GRIA4: variants seen among roughly 807,000 people sequenced by gnomAD.
The protein encoded by GRIA4 is glutamate receptor 4.
In GRIA4, 34 loss-of-function variants were observed where a neutral mutation model predicts 104.0. That is an observed-to-expected ratio of 0.33 (90% CI 0.25 to 0.44). The LOEUF (loss-of-function observed/expected upper bound fraction) is 0.44, where lower values mean the gene tolerates loss of function less well. GRIA4 is among the 20% of genes least tolerant of loss of function. GRIA4 has a pLI of 1.00. For synonymous variants in GRIA4, 386 were observed against 381.9 expected (o/e 1.01, Z -0.13); for missense variants, 750 against 1,096.5 (o/e 0.68, Z 4.46).
chr11:105,924,377 C>T (rs1425300508), intron 11 of GRIA4, 22 bp from the exon 12 acceptor site: 1 of 1,543,650 alleles, frequency 6.5e-7, no homozygotes, highest in Admixed American at 1.9e-5. Flanking sequence ...CTATGTGTCT[C>T]CATGTGTTTT....
At chr11:105,785,960 C>A (rs1202739914) in intron 4 of GRIA4, among the ~76,000 whole-genome samples, 4 of 151,816 alleles carry the variant, frequency 2.6e-5, no homozygotes, top group Non-Finnish European at 5.9e-5. Flanking sequence ...GCCTGGACAA[C>A]ACAGTGAAAC....
chr11:105,717,288 A>G (rs1201660271), intron 3 of GRIA4, among the ~76,000 whole-genome samples: 1 of 152,138 alleles, frequency 6.6e-6, no homozygotes, highest in African/African-American at 2.4e-5. Context: ...CTCTGTGACT[A>G]TAAATATACC....
At chr11:105,643,100 A>G (rs1454427828) in intron 3 of GRIA4, among the ~76,000 whole-genome samples, 2 of 152,158 alleles carry the variant, frequency 1.3e-5, no homozygotes, top group African/African-American at 4.8e-5. Context: ...CACTCCCATG[A>G]TTCAACTACC....
At position 105,744,263 on chromosome 11, in the gene GRIA4, A is replaced by G. The variant is rs1939508488; in HGVS notation, c.248-8718A>G. Among the ~76,000 whole-genome samples, 3 of 152,216 alleles carry G rather than the reference A, an allele frequency of 2.0e-5. No individual in the cohort carries two copies. In the South Asian group the frequency reaches 6.2e-4, roughly 32 times the overall value. ...AAGTGTTTAACACAGTGACTGAAAT[A>G]AACTAGGCAGTATATAAACATTTTT... On this transcript the variant is annotated intron_variant, in intron 3 of 16. Transcript: ENST00000282499.
intron 5 of GRIA4, among the ~76,000 whole-genome samples, chr11:105,867,437 T>A (rs916612265): frequency 3.9e-5 from 6 of 152,296 alleles, no homozygotes; most frequent in Admixed American, 1.3e-4. Context: ...TAAAAGCCTA[T>A]TTATCTAGAG....
At chr11:105,933,690 C>T (rs1318946102) in intron 13 of GRIA4, 32 bp from the exon 14 acceptor site, 2 of 1,473,628 alleles carry the variant, frequency 1.4e-6, no homozygotes, top group Non-Finnish European at 1.8e-6. Flanking sequence ...TCCCTTCTTT[C>T]CTGTATTTAA....
At chr11:105,767,387 T>C (rs899120141) in intron 4 of GRIA4, among the ~76,000 whole-genome samples, 3 of 152,120 alleles carry the variant, frequency 2.0e-5, no homozygotes, top group African/African-American at 4.8e-5. Flanking sequence ...TTAGTAACCA[T>C]ATAAGAAGTG....
intron 4 of GRIA4, among the ~76,000 whole-genome samples, chr11:105,852,103 G>A (rs976841830): frequency 1.3e-5 from 2 of 152,166 alleles, no homozygotes; most frequent in East Asian, 3.9e-4. Context: ...GTGGGATGAG[G>A]GTGAAGCTGA....
chr11:105,730,208 A>C (rs981193182), intron 3 of GRIA4, among the ~76,000 whole-genome samples: 2 of 152,172 alleles, frequency 1.3e-5, no homozygotes, highest in African/African-American at 4.8e-5. Context: ...CAATGTGCAA[A>C]AATCAAAGCA....
chr11:105,857,669 G>A (rs1945055752), intron 4 of GRIA4, among the ~76,000 whole-genome samples: 1 of 152,030 alleles, frequency 6.6e-6, no homozygotes, highest in Admixed American at 6.6e-5. Flanking sequence ...TCTGAAAAAT[G>A]TCTTCTATAT....
chr11:105,697,590 C>G (rs961849471), intron 3 of GRIA4, among the ~76,000 whole-genome samples: 2 of 152,158 alleles, frequency 1.3e-5, no homozygotes, highest in Non-Finnish European at 2.9e-5. Flanking sequence ...CTTAGATGCT[C>G]CCTAACAAGA....
At chr11:105,866,428 GTTGTGTGTGTGTGT>G (rs1266204374) in intron 5 of GRIA4, among the ~76,000 whole-genome samples, 5 of 150,968 alleles carry the variant, frequency 3.3e-5, no homozygotes, top group Non-Finnish European at 7.4e-5. Flanking sequence ...TCCCCACTGT[GTTGTGTGTGTGTGT>G]TTGTGTGTGT....
At chr11:105,945,492 C>A in intron 14 of GRIA4, 1 of 962,066 alleles carries the variant, frequency 1.0e-6, no homozygotes, top group Non-Finnish European at 1.2e-6. Context: ...TAACCAGCTC[C>A]AGGACCAAGG....
intron 14 of GRIA4, among the ~76,000 whole-genome samples, chr11:105,944,107 A>G (rs911305531): frequency 3.9e-5 from 6 of 152,174 alleles, no homozygotes; most frequent in Non-Finnish European, 8.8e-5. Flanking sequence ...TACTAAATAA[A>G]TGGTAATAGT....
chr11:105,647,592 A>G (rs1024580211), intron 3 of GRIA4, among the ~76,000 whole-genome samples: 1 of 152,202 alleles, frequency 6.6e-6, no homozygotes, highest in Non-Finnish European at 1.5e-5. Context: ...GTGCACATAC[A>G]CCATGGAAAA....
intron 4 of GRIA4, among the ~76,000 whole-genome samples, chr11:105,766,992 T>G (rs1346190883): frequency 6.6e-6 from 1 of 152,176 alleles, no homozygotes; most frequent in Non-Finnish European, 1.5e-5. Flanking sequence ...TCTCCTTATA[T>G]TCTATTACCC....
At chr11:105,726,814 A>T (rs1383899094) in intron 3 of GRIA4, among the ~76,000 whole-genome samples, 1 of 152,162 alleles carries the variant, frequency 6.6e-6, no homozygotes, top group Non-Finnish European at 1.5e-5. Flanking sequence ...AAGGAAAACT[A>T]AAAAACAGAA....
intron 3 of GRIA4, among the ~76,000 whole-genome samples, chr11:105,711,691 T>C (rs1359617538): frequency 2.0e-5 from 3 of 152,138 alleles, no homozygotes; most frequent in African/African-American, 7.2e-5. Flanking sequence ...GGAGAGGAGT[T>C]ATTTCAGTTA....
At chr11:105,763,139 G>A (rs1940747482) in intron 4 of GRIA4, among the ~76,000 whole-genome samples, 1 of 152,128 alleles carries the variant, frequency 6.6e-6, no homozygotes, top group Non-Finnish European at 1.5e-5. Context: ...TTTGAGGAAG[G>A]AAAAGAAGGG....
Sources: gnomAD v4.1 joint callset for allele counts (sites outside exome capture counted in the v4.1 genomes callset) on GRCh38, gnomAD v4.1.1 for gene constraint, MANE v1.5 for transcripts, NCBI Gene and HGNC (gene_info 2026-07-23, HGNC 2026-07-21) for gene names.